Variants in SYNPR observed in about 807,000 individuals in gnomAD.
The protein encoded by SYNPR is synaptoporin.
Under a neutral mutation model 32.9 loss-of-function variants are expected in SYNPR, and 23 were observed. That is an observed-to-expected ratio of 0.70 (90% CI 0.50 to 0.99). The LOEUF is 0.99. SYNPR is among the 50% of genes least tolerant of loss of function. The pLI is 0.00. For synonymous variants in SYNPR, 146 were observed against 135.9 expected, an observed-to-expected ratio of 1.07 and a Z score of -0.52; for missense variants, 318 against 349.3, an observed-to-expected ratio of 0.91 and a Z score of 0.71.
chr3:63,569,017 G>A (rs1380093900), intron 4 of SYNPR, among the ~76,000 whole-genome samples: 1 of 152,200 alleles, frequency 6.6e-6, no homozygotes, highest in African/African-American at 2.4e-5. Flanking sequence ...TAGATGCTTA[G>A]TAACAGTTTA....
intron 2 of SYNPR, chr3:63,289,287 C>T (rs1166986439): frequency 6.6e-6 from 1 of 152,234 alleles, no homozygotes; most frequent in East Asian, 1.9e-4. Context: ...TGTGAGATGT[C>T]TTAGTCTGCT....
At chr3:63,239,474 C>T (rs9883695) in intron 1 of SYNPR, among the ~76,000 whole-genome samples, 144,744 of 145,122 alleles carry the variant, frequency 1, 72,183 homozygotes, top group East Asian at 1. Context: ...GTAGAATGGG[C>T]ACATGACACA....
intron 2 of SYNPR, among the ~76,000 whole-genome samples, chr3:63,381,130 A>G (rs1376138053): frequency 3.3e-5 from 5 of 152,204 alleles, no homozygotes; most frequent in South Asian, 2.1e-4. Context: ...TTTGCAGATG[A>G]TAAGATTGTA....
chr3:63,418,603 C>T (rs2088570026), intron 2 of SYNPR, among the ~76,000 whole-genome samples: 1 of 152,210 alleles, frequency 6.6e-6, no homozygotes, highest in African/African-American at 2.4e-5. Context: ...CACAGTTCCA[C>T]GTGACTGGGG....
intron 2 of SYNPR, among the ~76,000 whole-genome samples, chr3:63,425,092 T>C (rs1193620583): frequency 6.6e-6 from 1 of 152,160 alleles, no homozygotes; most frequent in Non-Finnish European, 1.5e-5. Flanking sequence ...AAATGAAATA[T>C]TGTGCCATCA....
chr3:63,595,744 T>A (rs1396432160), intron 4 of SYNPR, among the ~76,000 whole-genome samples: 5 of 47,370 alleles, frequency 1.1e-4, no homozygotes, highest in Admixed American at 3.2e-4. Context: ...TATATATATA[T>A]ATATATATAT....
intron 4 of SYNPR, among the ~76,000 whole-genome samples, chr3:63,559,607 A>T (rs1702650327): frequency 6.6e-6 from 1 of 152,206 alleles, no homozygotes; most frequent in African/African-American, 2.4e-5. Flanking sequence ...AAATTTGTTA[A>T]GTTTGAAAGG....
chr3:63,567,447 C>A (rs1441768318), intron 4 of SYNPR, among the ~76,000 whole-genome samples: 1 of 152,164 alleles, frequency 6.6e-6, no homozygotes, highest in Non-Finnish European at 1.5e-5. Context: ...ATCTTCCCCT[C>A]CCCATCCCCC....
intron 4 of SYNPR, chr3:63,561,438 AT>A (rs2106834192): frequency 6.6e-6 from 1 of 152,310 alleles, no homozygotes; most frequent in South Asian, 2.1e-4. Context: ...CCAGAGCTCA[AT>A]TCATAATCAC....
intron 2 of SYNPR, among the ~76,000 whole-genome samples, chr3:63,372,769 C>A (rs527652133): frequency 6.6e-6 from 1 of 152,330 alleles, no homozygotes; most frequent in South Asian, 2.1e-4. Flanking sequence ...CGCCCCAGGG[C>A]TGCAAAGTGC....
intron 4 of SYNPR, among the ~76,000 whole-genome samples, 164 bp downstream of exon 4, chr3:63,556,905 T>C (rs183246011): frequency 1.3e-5 from 2 of 152,306 alleles, no homozygotes; most frequent in African/African-American, 4.8e-5. Context: ...AACTGATGTC[T>C]GTCAATCTCT....
intron 2 of SYNPR, among the ~76,000 whole-genome samples, chr3:63,264,628 A>C (rs758607473): frequency 1.8e-4 from 28 of 152,232 alleles, no homozygotes; most frequent in Non-Finnish European, 3.2e-4. Context: ...GTAGCCTGAC[A>C]TTCAACAGAA....
chr3:63,514,444 T>C (rs752046011), intron 3 of SYNPR, among the ~76,000 whole-genome samples: 5 of 152,200 alleles, frequency 3.3e-5, no homozygotes, highest in Non-Finnish European at 7.4e-5. Context: ...GATCATAGCA[T>C]AGATCCCATC....
At chr3:63,279,087 C>T (rs1327662700) in intron 2 of SYNPR, among the ~76,000 whole-genome samples, 2 of 152,182 alleles carry the variant, frequency 1.3e-5, no homozygotes, top group African/African-American at 4.8e-5. Context: ...GTTCTGGCCC[C>T]TCACCTGGAC....
chr3:63,261,564 C>G (rs1246533611), intron 2 of SYNPR, among the ~76,000 whole-genome samples: 1 of 99,644 alleles, frequency 1.0e-5, no homozygotes, highest in Non-Finnish European at 1.8e-5. Flanking sequence ...TGGGGACTGT[C>G]ATGGGGTGGG....
intron 2 of SYNPR, among the ~76,000 whole-genome samples, chr3:63,264,925 A>ACG (rs1575580201): frequency 3.7e-5 from 2 of 53,526 alleles, no homozygotes; most frequent in Non-Finnish European, 1.0e-4. Context: ...TCTCAGAATC[A>ACG]TGGGGGAGCC....
chr3:63,292,711 C>G (rs2086751879), intron 2 of SYNPR, among the ~76,000 whole-genome samples: 1 of 152,190 alleles, frequency 6.6e-6, no homozygotes, highest in South Asian at 2.1e-4. Context: ...TCTTTTACTG[C>G]AAAACTTTGC....
chr3:63,278,040 C>T (rs1227661021), upstream of SYNPR: 1 of 154,212 alleles, frequency 6.5e-6, no homozygotes, highest in Non-Finnish European at 1.4e-5. Context: ...TGGGTGTCTT[C>T]CTCCTACCTG....
intron 2 of SYNPR, among the ~76,000 whole-genome samples, chr3:63,361,430 T>TAA (rs760618025): frequency 6.7e-6 from 1 of 149,930 alleles, no homozygotes; most frequent in Non-Finnish European, 1.5e-5. Flanking sequence ...CCATCTCTAC[T>TAA]AAAAAAAAAT....
Sources: gnomAD v4.1 joint callset for allele counts (sites outside exome capture counted in the v4.1 genomes callset) on GRCh38, gnomAD v4.1.1 for gene constraint, MANE v1.5 for transcripts, NCBI Gene and HGNC (gene_info 2026-07-23, HGNC 2026-07-21) for gene names.